The following CDH13 variants were observed in gnomAD, a reference collection of about 807,000 sequenced individuals.
CDH13 encodes cadherin 13.
CDH13 carries 24 observed loss-of-function variants against 63.8 expected under a neutral mutation model. That is an observed-to-expected ratio of 0.38 (90% CI 0.27 to 0.53). The LOEUF is 0.53. CDH13 is among the 20% of genes least tolerant of loss of function. CDH13 has a pLI of 0.85. For missense variants in CDH13, 1,049 were observed against 903.1 expected (o/e 1.16, Z -2.07); for synonymous variants, 503 against 355.3 (o/e 1.42, Z -4.67).
intron 4 of CDH13, among the ~76,000 whole-genome samples, chr16:83,141,862 C>G (rs2036542649): frequency 6.6e-6 from 1 of 152,156 alleles, no homozygotes; most frequent in Non-Finnish European, 1.5e-5. Context: ...TTTTTTATGG[C>G]TGCATAGTAT....
chr16:83,653,204 A>T (rs1225934321), intron 8 of CDH13, among the ~76,000 whole-genome samples: 1 of 152,168 alleles, frequency 6.6e-6, no homozygotes, highest in Non-Finnish European at 1.5e-5. Context: ...TCGAGGTGTT[A>T]AAAAAATTCT....
intron 4 of CDH13, among the ~76,000 whole-genome samples, chr16:83,197,354 C>T (rs1385780458): frequency 1.3e-5 from 2 of 151,924 alleles, no homozygotes; most frequent in South Asian, 2.1e-4. Context: ...AGCCGGGTAT[C>T]CATCCCCTCC....
intron 4 of CDH13, among the ~76,000 whole-genome samples, chr16:83,167,691 C>CT (rs139871148): frequency 3.2e-4 from 48 of 147,982 alleles, no homozygotes; most frequent in South Asian, 1.7e-3. Flanking sequence ...TATTTCATTG[C>CT]TTTTTTTTTT....
intron 4 of CDH13, among the ~76,000 whole-genome samples, chr16:83,181,362 C>T (rs2038343772): frequency 6.6e-6 from 1 of 152,198 alleles, no homozygotes; most frequent in Admixed American, 6.5e-5. Context: ...GTCCACTGGA[C>T]CTCCTTGCTA....
At chr16:82,742,185 T>C (rs575571727) in intron 1 of CDH13, among the ~76,000 whole-genome samples, 11 of 152,300 alleles carry the variant, frequency 7.2e-5, no homozygotes, top group African/African-American at 2.6e-4. Context: ...AATGAGAATC[T>C]TGTAAAATAT....
intron 1 of CDH13, among the ~76,000 whole-genome samples, chr16:82,814,460 C>T (rs2037603088): frequency 6.6e-6 from 1 of 152,112 alleles, no homozygotes; most frequent in African/African-American, 2.4e-5. Context: ...CAGTGAGATA[C>T]TCAATCGTGC....
chr16:83,062,090 C>G (rs1478062328), intron 3 of CDH13, among the ~76,000 whole-genome samples: 1 of 152,160 alleles, frequency 6.6e-6, no homozygotes, highest in African/African-American at 2.4e-5. Context: ...GTGCTGTGGC[C>G]TCTCTTGGAT....
chr16:83,609,101 T>G (rs1908625899), intron 8 of CDH13, among the ~76,000 whole-genome samples: 1 of 152,180 alleles, frequency 6.6e-6, no homozygotes, highest in East Asian at 1.9e-4. Flanking sequence ...TATCATCAAA[T>G]TTAAGGACGT....
chr16:83,552,938 G>A (rs2075533828), intron 7 of CDH13, among the ~76,000 whole-genome samples: 1 of 152,070 alleles, frequency 6.6e-6, no homozygotes, highest in East Asian at 1.9e-4. Context: ...AATTAGCCGG[G>A]AGTGGTGGCA....
intron 6 of CDH13, among the ~76,000 whole-genome samples, chr16:83,456,419 G>C (rs1337852490): frequency 1.7e-4 from 26 of 152,180 alleles, no homozygotes; most frequent in Admixed American, 1.7e-3. Context: ...TGGTGAGAAA[G>C]TTACCTGAGG....
At chr16:82,940,475 G>T (rs1904275952) in intron 2 of CDH13, among the ~76,000 whole-genome samples, 1 of 152,096 alleles carries the variant, frequency 6.6e-6, no homozygotes, top group African/African-American at 2.4e-5. Context: ...TTACTCCATA[G>T]ATTGATTTGA....
chr16:83,756,022 A>T (rs1169902094), intron 11 of CDH13, among the ~76,000 whole-genome samples: 1 of 152,238 alleles, frequency 6.6e-6, no homozygotes, highest in Non-Finnish European at 1.5e-5. Context: ...TTTCTGCAGC[A>T]TTGGAGATGT....
At chr16:83,215,618 G>T (rs1311722766) in intron 4 of CDH13, among the ~76,000 whole-genome samples, 1 of 151,906 alleles carries the variant, frequency 6.6e-6, no homozygotes, top group African/African-American at 2.4e-5. Flanking sequence ...TGCAGGCTTG[G>T]CGGCAGCTAA....
chr16:83,321,170 C>T (rs1056435050), intron 5 of CDH13, among the ~76,000 whole-genome samples: 1 of 152,200 alleles, frequency 6.6e-6, no homozygotes, highest in Non-Finnish European at 1.5e-5. Flanking sequence ...ACTGAGCTGG[C>T]AGACACAGAC....
chr16:83,346,494 C>T (rs575906329), intron 6 of CDH13, among the ~76,000 whole-genome samples: 8 of 152,206 alleles, frequency 5.3e-5, no homozygotes, highest in African/African-American at 1.7e-4. Flanking sequence ...GTACTCGGGC[C>T]CCATGAGTGA....
At chr16:83,309,378 C>G (rs905970185) in intron 5 of CDH13, among the ~76,000 whole-genome samples, 3 of 130,376 alleles carry the variant, frequency 2.3e-5, no homozygotes, top group Non-Finnish European at 3.4e-5. Flanking sequence ...TCCCCTCTCT[C>G]CCTTCTTTTT....
chr16:83,399,532 T>G (rs2091936391), intron 6 of CDH13, among the ~76,000 whole-genome samples: 1 of 152,190 alleles, frequency 6.6e-6, no homozygotes. Context: ...CAGTGTGACC[T>G]TGACGATCTT....
intron 7 of CDH13, among the ~76,000 whole-genome samples, chr16:83,533,512 C>T (rs1381314896): frequency 3.3e-5 from 5 of 152,040 alleles, no homozygotes; most frequent in Non-Finnish European, 5.9e-5. Context: ...CATAATAGCT[C>T]ATGGGCATTG....
At chr16:83,242,135 C>T (rs950313858) in intron 5 of CDH13, among the ~76,000 whole-genome samples, 6 of 152,156 alleles carry the variant, frequency 3.9e-5, no homozygotes, top group African/African-American at 9.7e-5. Flanking sequence ...ATAATTCAGC[C>T]ATATACATAA....
Sources: allele counts gnomAD v4.1 joint callset (sites outside exome capture counted in the v4.1 genomes callset), GRCh38; gene constraint gnomAD v4.1.1; transcripts MANE v1.5; gene names NCBI Gene and HGNC (gene_info 2026-07-23, HGNC 2026-07-21).